The following NAV3 variants were observed in gnomAD, a reference collection of about 807,000 sequenced individuals.
NAV3 encodes pore membrane and/or filament interacting like protein 1.
Under a neutral mutation model 244.7 loss-of-function variants are expected in NAV3, and 87 were observed. The observed-to-expected ratio is 0.36, with a 90% CI of 0.30 to 0.42. NAV3 has a LOEUF of 0.42. Ranked by LOEUF, NAV3 falls within the 20% of genes least tolerant of loss-of-function variation. The pLI is 1.00. For synonymous variants in NAV3, 1,126 were observed against 1,042.2 expected, an observed-to-expected ratio of 1.08 and a Z score of -1.55; for missense variants, 2,663 against 2,893.3, an observed-to-expected ratio of 0.92 and a Z score of 1.83.
intron 12 of NAV3, among the ~76,000 whole-genome samples, chr12:78,099,405 C>T (rs1032511966): frequency 2.0e-5 from 3 of 151,594 alleles, no homozygotes; most frequent in Non-Finnish European, 4.4e-5. Context: ...CTAAAAATGA[C>T]TTGACAGAAA....
At position 77,598,385 on chromosome 12, in the gene NAV3, A is replaced by T. The variant is rs536581301; in HGVS notation, c.72+26119A>T. ...CCAGTAATGTATCATACCATTGACA[A>T]TCTTAATAACTCAACAGTTGCTAAA... On this transcript the variant is annotated intron_variant, in intron 2 of 8. Coordinates refer to the NAV3 transcript ENST00000550042. 4.6e-5 allele frequency among the ~76,000 whole-genome samples: 7 copies of T among 152,126 alleles called. No individual in the cohort carries two copies. The South Asian group carries it at 1.2e-3, about 27-fold the overall frequency.
chr12:77,618,512 G>A (rs149717187), intron 2 of NAV3, among the ~76,000 whole-genome samples: 259 of 152,196 alleles, frequency 1.7e-3, no homozygotes, highest in African/African-American at 6.0e-3. Flanking sequence ...ACTATTGTTA[G>A]TATTTTAAGT....
intron 2 of NAV3, among the ~76,000 whole-genome samples, chr12:77,641,242 C>T (rs1872397668): frequency 6.6e-6 from 1 of 152,010 alleles, no homozygotes; most frequent in South Asian, 2.1e-4. Context: ...TGGGAAGGCT[C>T]ATTCTTGGAT....
Position 78,178,361 on chromosome 12 carries a change from A to G in NAV3, c.5363+676A>G, listed in dbSNP as rs113190252. Reference sequence around the variant, plus strand: ...TTTTTAGTAAAGATGGGGTTTCACCATGTTGGCCAGGCTGGTCTCGAACTC... The same window carrying G: ...TTTTTAGTAAAGATGGGGTTTCACCGTGTTGGCCAGGCTGGTCTCGAACTC... On this transcript the variant is annotated intron_variant, in intron 28 of 39. Transcript: ENST00000397909. 7.0e-3 allele frequency among the ~76,000 whole-genome samples: 1,066 copies of G among 151,886 alleles called. 4 individuals are homozygous for G. Among genetic ancestry groups the G allele is most frequent in the Non-Finnish European group, 0.01 (687 of 67,952 alleles).
chr12:77,747,740 G>A (rs891667724), intron 2 of NAV3, among the ~76,000 whole-genome samples: 63 of 152,286 alleles, frequency 4.1e-4, no homozygotes, highest in African/African-American at 1.5e-3. Context: ...GTGGGGACAT[G>A]GATGAAGCTG....
At chr12:77,651,569 C>T (rs1340266135) in intron 2 of NAV3, among the ~76,000 whole-genome samples, 1 of 152,084 alleles carries the variant, frequency 6.6e-6, no homozygotes, top group Admixed American at 6.6e-5. Flanking sequence ...TTGCCTCTGC[C>T]CTTAACTGCC....
At chr12:78,081,072 A>AT (rs56962736) in intron 12 of NAV3, among the ~76,000 whole-genome samples, 16,396 of 152,194 alleles carry the variant, frequency 0.11, 991 homozygotes, top group South Asian at 0.2. Context: ...TGATTTATTA[A>AT]TTTTTTAGGA....
chr12:77,683,598 A>AGAT (rs1471494040), intron 2 of NAV3, among the ~76,000 whole-genome samples: 2 of 152,186 alleles, frequency 1.3e-5, no homozygotes, highest in East Asian at 3.8e-4. Context: ...CTGAATCTGT[A>AGAT]GATCGCTTTG....
At chr12:78,129,311 T>C (rs1354393565) in intron 18 of NAV3, among the ~76,000 whole-genome samples, 1 of 152,174 alleles carries the variant, frequency 6.6e-6, no homozygotes, top group Non-Finnish European at 1.5e-5. Context: ...ATTAGTAATC[T>C]TTTGTAGAAA....
chr12:77,906,045 T>C (rs1392538828), intron 1 of NAV3, among the ~76,000 whole-genome samples: 2 of 152,040 alleles, frequency 1.3e-5, no homozygotes, highest in African/African-American at 4.8e-5. Flanking sequence ...TTCCATTTCT[T>C]CTCCCTGAAA....
intron 9 of NAV3, among the ~76,000 whole-genome samples, chr12:78,044,611 C>A (rs1881448844): frequency 6.6e-6 from 1 of 152,088 alleles, no homozygotes; most frequent in Non-Finnish European, 1.5e-5. Flanking sequence ...TTTCCTGGAG[C>A]AGTGGTTTGT....
At chr12:78,041,553 C>G (rs1359583498) in intron 9 of NAV3, among the ~76,000 whole-genome samples, 1 of 152,168 alleles carries the variant, frequency 6.6e-6, no homozygotes, top group East Asian at 1.9e-4. Flanking sequence ...CAAATTTTTG[C>G]TTATCCCCCA....
chr12:78,154,012 G>A (rs892805450), intron 22 of NAV3, among the ~76,000 whole-genome samples: 3 of 147,204 alleles, frequency 2.0e-5, no homozygotes, highest in South Asian at 2.1e-4. Context: ...AAGTTTATAT[G>A]GGTAAATATA....
At chr12:77,893,420 CA>C (rs1337100527) in intron 1 of NAV3, among the ~76,000 whole-genome samples, 2 of 151,970 alleles carry the variant, frequency 1.3e-5, no homozygotes, top group Non-Finnish European at 2.9e-5. Context: ...GATTGTTAAA[CA>C]AAAGACACAG....
chr12:78,022,606 G>A (rs1877345567), intron 9 of NAV3, among the ~76,000 whole-genome samples: 1 of 152,072 alleles, frequency 6.6e-6, no homozygotes, highest in Admixed American at 6.6e-5. Context: ...TCTGGTCCAA[G>A]CCTGTGTATT....
chr12:78,107,433 T>C (rs553717330), intron 12 of NAV3, among the ~76,000 whole-genome samples: 1 of 152,092 alleles, frequency 6.6e-6, no homozygotes, highest in Non-Finnish European at 1.5e-5. Flanking sequence ...AAAGGTCTTA[T>C]ACACAGCACA....
chr12:77,888,927 T>A (rs879402438), intron 1 of NAV3, among the ~76,000 whole-genome samples: 44 of 152,198 alleles, frequency 2.9e-4, no homozygotes, highest in Non-Finnish European at 5.9e-4. Flanking sequence ...ACAAGTGATT[T>A]CTTGAAAAAA....
chr12:77,577,169 C>T (rs369523427), intron 2 of NAV3, among the ~76,000 whole-genome samples: 1 of 152,100 alleles, frequency 6.6e-6, no homozygotes, highest in African/African-American at 2.4e-5. Flanking sequence ...TACTCGGATG[C>T]AGATTAAGAC....
At chr12:77,766,484 A>C (rs1216484143) in intron 2 of NAV3, among the ~76,000 whole-genome samples, 1 of 152,164 alleles carries the variant, frequency 6.6e-6, no homozygotes, top group Non-Finnish European at 1.5e-5. Context: ...ACATTCATCA[A>C]CTTGCTGTCT....
Sources: gnomAD v4.1 joint callset for allele counts (sites outside exome capture counted in the v4.1 genomes callset) on GRCh38, gnomAD v4.1.1 for gene constraint, MANE v1.5 for transcripts, NCBI Gene and HGNC (gene_info 2026-07-23, HGNC 2026-07-21) for gene names.